The following TSPAN11 variants were observed in gnomAD, a reference collection of about 807,000 sequenced individuals.
TSPAN11 encodes tetraspanin 11.
A neutral mutation model predicts 32.9 loss-of-function variants in TSPAN11; 29 were observed. That is an observed-to-expected ratio of 0.88 (90% confidence interval 0.66 to 1.20). TSPAN11 has a LOEUF of 1.20. Ranked by LOEUF, TSPAN11 falls within the 50% of genes most tolerant of loss-of-function variation. The pLI is 0.00. For synonymous variants in TSPAN11, 140 were observed against 141.3 expected (o/e 0.99, Z 0.07); for missense variants, 283 against 329.1 (o/e 0.86, Z 1.08).
At chr12:30,969,614 TG>T (rs1334775500) in intron 3 of TSPAN11, among the ~76,000 whole-genome samples, 2 of 152,190 alleles carry the variant, frequency 1.3e-5, no homozygotes, top group Non-Finnish European at 2.9e-5. Flanking sequence ...CGGGTGTACC[TG>T]ATCACCACAA....
At chr12:30,978,136 C>G (rs1011123278) in intron 3 of TSPAN11, among the ~76,000 whole-genome samples, 2 of 152,192 alleles carry the variant, frequency 1.3e-5, no homozygotes, top group African/African-American at 4.8e-5. Context: ...GTTACTTAGG[C>G]GTCACCACCT....
At chr12:30,988,505 C>T (rs1939247030) in intron 7 of TSPAN11, 1 of 152,168 alleles carries the variant, frequency 6.6e-6, no homozygotes, top group Non-Finnish European at 1.5e-5. Flanking sequence ...AGGAGAATTG[C>T]TTGAACCCGG....
At chr12:30,968,746 AAAGT>A (rs2140296546) in intron 3 of TSPAN11, among the ~76,000 whole-genome samples, 1 of 152,312 alleles carries the variant, frequency 6.6e-6, no homozygotes, top group South Asian at 2.1e-4. Context: ...GATGGATAAA[AAAGT>A]AAGAAGTTCT....
intron 3 of TSPAN11, among the ~76,000 whole-genome samples, chr12:30,971,859 G>T (rs1938858393): frequency 6.6e-6 from 1 of 150,898 alleles, no homozygotes; most frequent in African/African-American, 2.4e-5. Flanking sequence ...AAAAAAAATT[G>T]GTTTGGTTCA....
At chr12:30,989,916 C>T (rs1408144596) in intron 7 of TSPAN11, among the ~76,000 whole-genome samples, 1 of 152,170 alleles carries the variant, frequency 6.6e-6, no homozygotes, top group African/African-American at 2.4e-5. Context: ...TAGCACCAGG[C>T]ACCATGTGGC....
At chr12:30,990,136 ACG>A (rs1939281972) in intron 7 of TSPAN11, among the ~76,000 whole-genome samples, 1 of 139,320 alleles carries the variant, frequency 7.2e-6, no homozygotes, top group Admixed American at 6.7e-5. Context: ...CGTGGTGTTC[ACG>A]TGTGTGTGTG....
At chr12:30,973,013 C>A (rs1222534043) in intron 3 of TSPAN11, among the ~76,000 whole-genome samples, 1 of 152,086 alleles carries the variant, frequency 6.6e-6, no homozygotes, top group East Asian at 1.9e-4. Context: ...AGCACTGACA[C>A]CCCTGTGTTC....
Position 30,993,285 on chromosome 12 carries a change from AC to A in TSPAN11, c.*1372del, listed in dbSNP as rs2140316307. ...CCAAGGCTGAGCGAGGTCCCAGCTCACCTCCCTGCTTGATCCAGATTGCACT... is the reference window on the plus strand; with the variant it reads ...CCAAGGCTGAGCGAGGTCCCAGCTCACTCCCTGCTTGATCCAGATTGCACT... On this transcript the variant is annotated 3_prime_UTR_variant, in exon 8 of 8. Coordinates refer to ENST00000546076, the MANE Select transcript of TSPAN11 (RefSeq NM_001370302.1). The A allele has an allele frequency of 6.6e-6, 1 of 152,262 alleles. No homozygotes were observed. Among genetic ancestry groups the A allele is most frequent in the East Asian group, 1.9e-4 (1 of 5,168 alleles). The allele number at this position is 152,262 out of a possible 1,614,324, so 9.4% of individuals were successfully genotyped here. A position where few individuals can be genotyped will look rare whatever the true frequency, so the allele number is the denominator to read the frequency against.
At chr12:30,927,949 A>G (rs1386777182) in intron 1 of TSPAN11, among the ~76,000 whole-genome samples, 1 of 152,134 alleles carries the variant, frequency 6.6e-6, no homozygotes, top group Non-Finnish European at 1.5e-5. Context: ...GATGATAGTT[A>G]AGACTCCTAG....
intron 1 of TSPAN11, among the ~76,000 whole-genome samples, chr12:30,949,527 T>C (rs939840795): frequency 1.3e-5 from 2 of 152,152 alleles, no homozygotes; most frequent in Non-Finnish European, 2.9e-5. Flanking sequence ...GTGAGACTTA[T>C]TCACTATCAT....
chr12:30,989,458 G>T (rs1939267516), intron 7 of TSPAN11, among the ~76,000 whole-genome samples: 1 of 152,216 alleles, frequency 6.6e-6, no homozygotes, highest in South Asian at 2.1e-4. Flanking sequence ...AGGACTGGGT[G>T]CTGTGCTGTT....
the TSPAN11 span, among the ~76,000 whole-genome samples, chr12:31,003,385 G>A: frequency 6.6e-6 from 1 of 152,202 alleles, no homozygotes. Flanking sequence ...AGCACTGGGT[G>A]AGCCAAGAAG....
rs1213281401 is a variant in TSPAN11 at position 30,954,037 on chromosome 12, T to C, written c.46T>C (p.Leu16=). 1 of 1,613,830 alleles carries C rather than the reference T, an allele frequency of 6.2e-7. No homozygotes were observed. Among genetic ancestry groups the C allele is most frequent in the African/African-American group, 1.3e-5 (1 of 74,920 alleles). ...TEQDDWLIIY[L]KYLLFVFNFF... is the part of the protein sequence containing the mutation. ...GCAGGACGACTGGCTGATCATCTAC[T>C]TGAAGTATTTACTCTTTGTCTTCAA... Residue 16 remains leucine, a synonymous_variant, in exon 2 of 8, where the codon TTG becomes CTG. Coordinates refer to ENST00000546076, the MANE Select transcript of TSPAN11 (RefSeq NM_001370302.1).
intron 7 of TSPAN11, 38 bp from the exon 8 acceptor site, chr12:30,991,818 T>C (rs1269081527): frequency 6.2e-7 from 1 of 1,613,234 alleles, no homozygotes; most frequent in Non-Finnish European, 8.5e-7. Context: ...CCAGGAGTTC[T>C]GATTTCTCTT....
At position 30,995,329 on chromosome 12, in the gene TSPAN11, C is replaced by T. The variant is rs1440625158; in HGVS notation, c.*3414C>T. On this transcript the variant is annotated 3_prime_UTR_variant, in exon 8 of 8. Coordinates refer to ENST00000546076, the MANE Select transcript of TSPAN11 (RefSeq NM_001370302.1). ...CACCCTGGGGTTGTGTTGACCACCT[C>T]CCCTTCAGGTGAGGCCCTTTTCTGC... 1 of 152,308 alleles carries T rather than the reference C, an allele frequency of 6.6e-6. No individual in the cohort carries two copies. The allele number at this position is 152,308 out of a possible 1,614,324, so 9.4% of individuals were successfully genotyped here. A position where few individuals can be genotyped will look rare whatever the true frequency, so the allele number is the denominator to read the frequency against.
At chr12:30,932,919 G>A (rs975166921) in intron 1 of TSPAN11, among the ~76,000 whole-genome samples, 2 of 152,210 alleles carry the variant, frequency 1.3e-5, no homozygotes, top group African/African-American at 4.8e-5. Flanking sequence ...CCTGATGCCT[G>A]GAAGGGAATG....
rs545988510 is a variant in TSPAN11, at chr12:30,989,616, GC to G, written c.703-2238del. On this transcript the variant is annotated intron_variant, in intron 7 of 7. Coordinates refer to ENST00000546076, the MANE Select transcript of TSPAN11 (RefSeq NM_001370302.1). ...CAAGATCACACAGGCCACTGGTGCA[GC>G]CTCAAGTAGAACCTAGCCCACCTCC... 7.2e-5 allele frequency among the ~76,000 whole-genome samples: 11 copies of G among 152,294 alleles called. No homozygotes were observed. The South Asian group carries it at 1.7e-3, about 23-fold the overall frequency.
At chr12:31,010,097 G>A in the TSPAN11 span, among the ~76,000 whole-genome samples, 1 of 152,324 alleles carries the variant, frequency 6.6e-6, no homozygotes, top group South Asian at 2.1e-4. Context: ...AGGGAAGAGT[G>A]CAGGAAAGAA....
intron 6 of TSPAN11, 108 bp downstream of exon 6, chr12:30,982,798 A>T (rs534947370): frequency 2.8e-6 from 4 of 1,436,908 alleles, no homozygotes; most frequent in Non-Finnish European, 2.8e-6. Flanking sequence ...AGCAGGACAC[A>T]TGTGCTCCTT....
Sources: gnomAD v4.1 joint callset for allele counts (sites outside exome capture counted in the v4.1 genomes callset) on GRCh38, gnomAD v4.1.1 for gene constraint, MANE v1.5 for transcripts, NCBI Gene and HGNC (gene_info 2026-07-23, HGNC 2026-07-21) for gene names.